Variants in KIFC3 observed in about 807,000 individuals in gnomAD.
KIFC3 encodes kinesin-like protein KIFC3.
Under a neutral mutation model 101.8 loss-of-function variants are expected in KIFC3, and 60 were observed. The observed-to-expected ratio is 0.59, with a 90% CI of 0.48 to 0.73. The LOEUF (loss-of-function observed/expected upper bound fraction) is 0.73, where lower values mean the gene tolerates loss of function less well. Ranked by LOEUF, KIFC3 falls within the 30% of genes least tolerant of loss-of-function variation. The pLI is 0.00. For missense variants in KIFC3, 966 were observed against 1,137.1 expected (o/e 0.85, Z 2.16); for synonymous variants, 476 against 482.7 (o/e 0.99, Z 0.18).
In KIFC3 at chr16:57,815,518, T is replaced by C. The variant is rs1234987709; in HGVS notation, c.109-17236A>G. 9 of 1,279,524 alleles carry C rather than the reference T, an allele frequency of 7.0e-6. No individual in the cohort carries two copies. The East Asian group carries it at 5.0e-4, about 72-fold the overall frequency. The allele number at this position is 1,279,524 out of a possible 1,614,324, so 79.3% of individuals were successfully genotyped here. ...GCTGATCTGGGACCACATCAGCACC[T>C]GGCCTGACTCTTCTACCAGGATGCC... On this transcript the variant is annotated intron_variant, in intron 1 of 2. Transcript: ENST00000563028.
intron 7 of KIFC3, 149 bp downstream of exon 7, chr16:57,770,378 C>A: frequency 1.5e-6 from 1 of 687,124 alleles, no homozygotes; most frequent in African/African-American, 1.9e-5. Flanking sequence ...GGAAACCAGA[C>A]AAAACTTGCC....
chr16:57,796,859 A>C (rs1409875256), intron 2 of KIFC3, among the ~76,000 whole-genome samples: 3 of 152,226 alleles, frequency 2.0e-5, no homozygotes, highest in African/African-American at 7.2e-5. Flanking sequence ...AAGTTTTCTA[A>C]GGGAAAATGC....
chr16:57,847,288 AGAGGGCG>A (rs2055951925), intron 1 of KIFC3, among the ~76,000 whole-genome samples: 2 of 27,606 alleles, frequency 7.2e-5, no homozygotes, highest in African/African-American at 1.4e-4. Context: ...AGGGAGGGAG[AGAGGGCG>A]GGGAGGGAGG....
At chr16:57,844,087 G>A (rs532102276) in intron 1 of KIFC3, among the ~76,000 whole-genome samples, 6 of 151,028 alleles carry the variant, frequency 4.0e-5, no homozygotes, top group South Asian at 4.2e-4. Context: ...CAGCCTGGGC[G>A]ACAGAGTGAG....
At chr16:57,828,183 A>T (rs2967138) in intron 1 of KIFC3, among the ~76,000 whole-genome samples, 1 of 152,004 alleles carries the variant, frequency 6.6e-6, no homozygotes, top group African/African-American at 2.4e-5. Flanking sequence ...CTCCTTCCTC[A>T]TCATGAGGGA....
intron 3 of KIFC3, among the ~76,000 whole-genome samples, chr16:57,778,522 C>A (rs2052379698): frequency 6.6e-6 from 1 of 152,124 alleles, no homozygotes; most frequent in Non-Finnish European, 1.5e-5. Context: ...AAAATACTCG[C>A]AAATCATTTA....
At position 57,763,997 on chromosome 16, in the gene KIFC3, AAC is replaced by A. The variant is rs199879699; in HGVS notation, c.1617+144_1617+145del. ...TCTTAAGGCCTGGTGCCTCAGGGCTAACACAGATAACTACAGCCTCTGCTCCT... is the reference window on the plus strand; with the variant it reads ...TCTTAAGGCCTGGTGCCTCAGGGCTAACAGATAACTACAGCCTCTGCTCCT... On this transcript the variant is annotated intron_variant, in intron 12 of 19. Coordinates refer to ENST00000445690, the MANE Select transcript of KIFC3 (RefSeq NM_001130100.2). The A allele has an allele frequency of 9.9e-3, 6,456 of 654,528 alleles. 47 individuals carry two copies. Among genetic ancestry groups the A allele is most frequent in the Non-Finnish European group, 0.012 (4,514 of 374,012 alleles). The allele number at this position is 654,528 out of a possible 1,614,324, so 40.5% of individuals were successfully genotyped here.
At chr16:57,760,565 G>A in intron 16 of KIFC3, 149 bp from the exon 17 acceptor site, 3 of 1,127,916 alleles carry the variant, frequency 2.7e-6, no homozygotes, top group Non-Finnish European at 3.9e-6. Flanking sequence ...CAGAGGTGCT[G>A]TGGTCAAAGG....
chr16:57,841,657 A>C (rs1384702637), intron 1 of KIFC3, among the ~76,000 whole-genome samples: 5 of 151,998 alleles, frequency 3.3e-5, no homozygotes, highest in Non-Finnish European at 7.4e-5. Context: ...ACAGAGCGAG[A>C]CTGTCTCAAA....
chr16:57,774,838 A>G, intron 3 of KIFC3: 1 of 1,323,016 alleles, frequency 7.6e-7, no homozygotes, highest in Non-Finnish European at 9.8e-7. Flanking sequence ...GTAATTTTTC[A>G]GTCTCAAAGA....
rs889932162 is a variant in KIFC3 at position 57,823,518 on chromosome 16, T to C, written c.109-25236A>G. ...CTCAGATACTTTGGGTTCACAGTTA[T>C]AAAAGAGAATTTCTTGTTTTTAGGA... On this transcript the variant is annotated intron_variant, in intron 1 of 2. Coordinates refer to the KIFC3 transcript ENST00000563028. 2.0e-5 allele frequency among the ~76,000 whole-genome samples: 3 copies of C among 152,210 alleles called. No homozygotes were observed. The South Asian group carries it at 6.2e-4, about 32-fold the overall frequency.
At chr16:57,786,852 C>T (rs960059239) in intron 3 of KIFC3, among the ~76,000 whole-genome samples, 7 of 152,068 alleles carry the variant, frequency 4.6e-5, no homozygotes, top group South Asian at 4.1e-4. Context: ...TGCAGCTGGG[C>T]GGGGACATCT....
intron 1 of KIFC3, chr16:57,813,722 ATG>A (rs1402694714): frequency 0.033 from 32,793 of 985,318 alleles, 1,142 homozygotes; most frequent in East Asian, 0.31. Flanking sequence ...GGCACCACTC[ATG>A]CAGGTGGGCT....
rs1555603507 is a variant in KIFC3, at chr16:57,766,938, C to CA, written c.1265dup (p.Arg423AlafsTer11). 1 of 1,613,184 alleles carries CA rather than the reference C, an allele frequency of 6.2e-7. No individual in the cohort carries two copies. The highest frequency in any genetic ancestry group is 1.1e-5 in the South Asian group (1 of 91,084). The stretch of plus-strand genomic sequence containing the variant: ...GCTGCAGCTCGCGGCGGTACTTGCG[C>CA]AGCAGCTCCTGGTTGTTGCTGTTGA... On this transcript the variant is annotated frameshift_variant, in exon 10 of 20. Transcript: ENST00000445690. LOFTEE classifies it high-confidence loss of function.
rs3803591 is a variant in KIFC3 at position 57,769,769 on chromosome 16, C to T, written c.1087+39G>A. 6.4e-4 allele frequency: 1,038 copies of T among 1,612,342 alleles called. 1 individual carries two copies. Among genetic ancestry groups the T allele is most frequent in the East Asian group, 3.8e-3 (170 of 44,852 alleles). On this transcript the variant is annotated intron_variant, in intron 8 of 19. Transcript: ENST00000445690. The surrounding 1 kb of genome is among the most constrained non-coding windows in gnomAD (Gnocchi z 4.3). Reference sequence around the variant, plus strand: ...TGTGAGGCGGGAGGGGATGAGGGGCCGCGGCGTGGGGCAGACAGGGCCCAG... The same window carrying T: ...TGTGAGGCGGGAGGGGATGAGGGGCTGCGGCGTGGGGCAGACAGGGCCCAG...
Position 57,771,316 on chromosome 16 carries a change from T to C in KIFC3, c.647A>G (p.Glu216Gly). 6.2e-7 allele frequency: 1 copy of C among 1,613,604 alleles called. No individual in the cohort carries two copies. The highest frequency in any genetic ancestry group is 8.5e-7 in the Non-Finnish European group (1 of 1,180,038). Residue 216 changes from glutamate to glycine, a missense_variant, in exon 6 of 20, where the codon GAG (glutamate) becomes GGG (glycine). Glu to Gly is a moderately conservative substitution (Grantham distance 98, BLOSUM62 -2). Around this residue, in one of 2 missense-constraint regions of KIFC3, gnomAD observed 689 missense variants for 884.6 expected, o/e 0.78. Transcript: ENST00000445690. ...AGCCAGGCAGTCCTTGAGTCGCAGCTCCACCTCAGCCAGCCGGTCGGTCTT... is the reference window on the plus strand; with the variant it reads ...AGCCAGGCAGTCCTTGAGTCGCAGCCCCACCTCAGCCAGCCGGTCGGTCTT... ...QQKTDRLAEVELRLKDCLAEK... is the reference protein window; with the variant it reads ...QQKTDRLAEVGLRLKDCLAEK...
upstream of KIFC3, chr16:57,802,957 T>TCA (rs1555626079): frequency 2.6e-6 from 4 of 1,534,988 alleles, no homozygotes; most frequent in Non-Finnish European, 3.5e-6. This position sits in a 1 kb window ranked among gnomAD's most constrained non-coding sequence, Gnocchi z 5.0. Flanking sequence ...AAGCTCTTAC[T>TCA]CACGAGACAA....
At chr16:57,802,586 C>G, upstream of KIFC3, 11 of 1,000,820 alleles carry the variant, frequency 1.1e-5, no homozygotes, top group South Asian at 4.7e-5. The surrounding 1 kb of genome is among the most constrained non-coding windows in gnomAD (Gnocchi z 5.0). Flanking sequence ...GGCGCGCGCC[C>G]GCACTCACGC....
At chr16:57,789,168 G>A (rs1448625233) in intron 3 of KIFC3, among the ~76,000 whole-genome samples, 3 of 152,314 alleles carry the variant, frequency 2.0e-5, no homozygotes, top group African/African-American at 7.2e-5. Context: ...ATCTCCAGAT[G>A]GGACCCCCAG....
Sources: gnomAD v4.1 joint callset for allele counts (sites outside exome capture counted in the v4.1 genomes callset) on GRCh38, gnomAD v4.1.1 for gene constraint, gnomAD v4.1.1 regional missense constraint, Gnocchi (gnomAD v3.1) non-coding constraint, MANE v1.5 for transcripts, NCBI Gene and HGNC (gene_info 2026-07-23, HGNC 2026-07-21) for gene names.